Variants in DHODH observed in about 807,000 individuals in gnomAD.
DHODH encodes the protein dihydroorotate dehydrogenase (quinone), mitochondrial.
DHODH carries 30 observed loss-of-function variants against 39.7 expected under a neutral mutation model. That is an observed-to-expected ratio of 0.76 (90% CI 0.57 to 1.02). DHODH has a LOEUF of 1.02. Ranked by LOEUF, DHODH falls within the 50% of genes least tolerant of loss-of-function variation. The pLI is 0.00. For synonymous variants in DHODH, 222 were observed against 213.8 expected (o/e 1.04, Z -0.34); for missense variants, 531 against 520.8 (o/e 1.02, Z -0.19).
chr16:72,008,780 C>T lies in DHODH; in HGVS notation c.16C>T (p.Leu6=), dbSNP rs1411892430. 6.4e-7 allele frequency: 1 copy of T among 1,551,864 alleles called. No homozygotes were observed. Among genetic ancestry groups the T allele is most frequent in the Admixed American group, 2.0e-5 (1 of 51,004 alleles). Residue 6 remains leucine (L), a synonymous_variant, in exon 1 of 9, where the codon CTG becomes TTG. Coordinates refer to ENST00000219240, the MANE Select transcript of DHODH (RefSeq NM_001361.5). The part of the protein sequence containing the change: MAWRH[L]KKRAQDAVII... ...CGGAAGGAGCATGGCGTGGAGACAC[C>T]TGAAAGTGAGTCCCGCGAGTGAGCA...
rs887724124 is a variant in DHODH at position 72,014,417 on chromosome 16, T to C, written c.235-56T>C. The C allele has an allele frequency of 1.5e-5, 23 of 1,543,316 alleles. No individual in the cohort carries two copies. The African/African-American group carries it at 2.6e-4, about 17-fold the overall frequency. On this transcript the variant is annotated intron_variant, in intron 2 of 8. Transcript: ENST00000219240. The stretch of plus-strand genomic sequence containing the variant: ...ATGTAGCTGTGCCAGGAACCATGCT[T>C]TGAGAAATACCGGGATAGCCTTAGC...
intron 1 of DHODH, among the ~76,000 whole-genome samples, chr16:72,009,890 C>G (rs1354216610): frequency 6.6e-6 from 1 of 152,138 alleles, no homozygotes; most frequent in Non-Finnish European, 1.5e-5. Context: ...CGTGAGCCAC[C>G]GCGCTCGGCC....
intron 3 of DHODH, 104 bp from the exon 4 acceptor site, chr16:72,016,916 AACTG>A: frequency 2.0e-6 from 2 of 1,010,834 alleles, no homozygotes; most frequent in East Asian, 2.5e-5. Flanking sequence ...GAAGTGTAAG[AACTG>A]ACTGTGATTT....
chr16:72,023,239 T>G lies in DHODH; in HGVS notation c.894T>G (p.Ser298=). The change falls in exon 7 of 9, where the codon TCT becomes TCG. Residue 298 remains serine (S), a synonymous_variant. Coordinates refer to ENST00000219240, the MANE Select transcript of DHODH (RefSeq NM_001361.5). ...CGGGCCTCCAGGGTGCCCTGCGCTC[T>G]GAAACAGGAGGGCTGAGTGGGAAGC... is the stretch of plus-strand genomic sequence containing the variant. ...RPAGLQGALR[S]ETGGLSGKPL... 6.2e-7 allele frequency: 1 copy of G among 1,614,216 alleles called. No homozygotes were observed. The highest frequency in any genetic ancestry group is 1.1e-5 in the South Asian group (1 of 91,086).
chr16:72,019,094 T>C (rs1303805839), intron 4 of DHODH, among the ~76,000 whole-genome samples: 1 of 152,148 alleles, frequency 6.6e-6, no homozygotes, highest in Non-Finnish European at 1.5e-5. Flanking sequence ...TAGCTGAGAT[T>C]ATAGGCGCCC....
chr16:72,026,720 G>C lies in DHODH; in HGVS notation c.*2521G>C, dbSNP rs1198167528. 1 of 152,114 alleles carries C rather than the reference G, an allele frequency of 6.6e-6. No homozygotes were observed. The highest frequency in any genetic ancestry group is 2.1e-4 in the South Asian group (1 of 4,824). 9.4% of individuals were successfully genotyped at this position (152,114 alleles called of 1,614,324 possible). On this transcript the variant is annotated 3_prime_UTR_variant, in exon 9 of 9. Coordinates refer to ENST00000219240, the MANE Select transcript of DHODH (RefSeq NM_001361.5). ...TGTCTCAGCACAGCTGGAAGAGGCT[G>C]CTTGAGCACCAGGATAAGGAGTTGT...
At chr16:72,023,710 G>A in intron 8 of DHODH, 77 bp downstream of exon 8, 1 of 1,586,626 alleles carries the variant, frequency 6.3e-7, no homozygotes, top group Middle Eastern at 1.7e-4. Context: ...ACGAGATACT[G>A]TTGATCTGTT....
intron 2 of DHODH, among the ~76,000 whole-genome samples, chr16:72,013,402 G>A (rs956885810): frequency 4.6e-5 from 7 of 152,198 alleles, no homozygotes; most frequent in Admixed American, 2.6e-4. Flanking sequence ...AGCTGTGTCT[G>A]TATAAACACA....
intron 2 of DHODH, 147 bp downstream of exon 2, chr16:72,012,409 T>G (rs1187681611): frequency 7.0e-6 from 5 of 712,620 alleles, no homozygotes; most frequent in Admixed American, 2.3e-5. Context: ...TATTATTTTA[T>G]GTCATGTAAT....
At chr16:72,019,890 C>T (rs1027173565) in intron 4 of DHODH, among the ~76,000 whole-genome samples, 3 of 152,194 alleles carry the variant, frequency 2.0e-5, no homozygotes, top group African/African-American at 7.2e-5. Context: ...GCCTGTAATC[C>T]TAACACTCTG....
rs779000304 is a variant in DHODH, at chr16:72,017,042, C to T, written c.453C>T (p.His151=). The change falls in exon 4 of 9, where the codon CAC becomes CAT. Residue 151 remains histidine, a synonymous_variant. Transcript: ENST00000219240. ...TCTGCAGGTATGGATTTAACAGTCA[C>T]GGGCTTTCAGTGGTGGAACACAGGT... ...AVINRYGFNS[H]GLSVVEHRLR... 6.9e-5 allele frequency: 111 copies of T among 1,613,792 alleles called. No individual in the cohort carries two copies. Among genetic ancestry groups the T allele is most frequent in the Middle Eastern group, 3.3e-4 (2 of 6,084 alleles).
rs1438678012 is a variant in DHODH at position 72,025,379 on chromosome 16, A to G, written c.*1180A>G. On this transcript the variant is annotated 3_prime_UTR_variant, in exon 9 of 9. Coordinates refer to ENST00000219240, the MANE Select transcript of DHODH (RefSeq NM_001361.5). ...CTGTTTAGTTACTTTATGTTTTCAT[A>G]CAAATGACATCATCCCACAAATAGA... 1.3e-5 allele frequency: 2 copies of G among 152,228 alleles called. No individual in the cohort carries two copies. The highest frequency in any genetic ancestry group is 3.8e-4 in the East Asian group (2 of 5,200). The allele number at this position is 152,228 out of a possible 1,614,324, so 9.4% of individuals were successfully genotyped here. A position where few individuals can be genotyped will look rare whatever the true frequency, so the allele number is the denominator to read the frequency against.
At chr16:72,011,921 A>G in intron 1 of DHODH, 129 bp from the exon 2 acceptor site, 1 of 688,906 alleles carries the variant, frequency 1.5e-6, no homozygotes, top group South Asian at 1.7e-5. Context: ...GACCAGTGTC[A>G]GCGGAAGGCT....
At position 72,025,321 on chromosome 16, in the gene DHODH, A is replaced by T. The variant is rs924514734; in HGVS notation, c.*1122A>T. The stretch of plus-strand genomic sequence containing the variant: ...ACATACATGTGGCTGTATTTTTTGT[A>T]TACCGATTTCTGGATGGAATGCACA... On this transcript the variant is annotated 3_prime_UTR_variant, in exon 9 of 9. Coordinates refer to ENST00000219240, the MANE Select transcript of DHODH (RefSeq NM_001361.5). The T allele has an allele frequency of 9.2e-5, 14 of 152,310 alleles. No individual in the cohort carries two copies. The highest frequency in any genetic ancestry group is 3.4e-4 in the African/African-American group (14 of 41,578). The allele number at this position is 152,310 out of a possible 1,614,324, so 9.4% of individuals were successfully genotyped here.
Position 72,024,355 on chromosome 16 carries a change from C to T in DHODH, c.*156C>T. Reference sequence around the variant, plus strand: ...ACGCCAATCGGGGGGTCACCAGGATCAACCGCAGGCTTTCTTCAGTCCCTT... The same window carrying T: ...ACGCCAATCGGGGGGTCACCAGGATTAACCGCAGGCTTTCTTCAGTCCCTT... On this transcript the variant is annotated 3_prime_UTR_variant, in exon 9 of 9. Coordinates refer to ENST00000219240, the MANE Select transcript of DHODH (RefSeq NM_001361.5). The T allele has an allele frequency of 1.3e-6, 1 of 756,820 alleles. No homozygotes were observed. Among genetic ancestry groups the T allele is most frequent in the South Asian group, 1.5e-5 (1 of 67,882 alleles). The allele number at this position is 756,820 out of a possible 1,614,324, so 46.9% of individuals were successfully genotyped here. A position where few individuals can be genotyped will look rare whatever the true frequency, so the allele number is the denominator to read the frequency against.
At chr16:72,009,136 C>T in intron 1 of DHODH, 1 of 1,199,046 alleles carries the variant, frequency 8.3e-7, no homozygotes, top group Non-Finnish European at 1.0e-6. Flanking sequence ...GACATGCTCC[C>T]AACCCTTTTA....
intron 8 of DHODH, 39 bp from the exon 9 acceptor site, chr16:72,024,106 C>T (rs1010045237): frequency 6.2e-7 from 1 of 1,612,090 alleles, no homozygotes. Flanking sequence ...GCCTGTTCTC[C>T]ACTGTTTGCT....
intron 1 of DHODH, 200 bp downstream of exon 1, chr16:72,008,985 C>A: frequency 6.8e-7 from 1 of 1,473,584 alleles, no homozygotes; most frequent in Non-Finnish European, 9.0e-7. Context: ...CGTGTGCAGA[C>A]AGCGCCTGCA....
chr16:72,015,506 GA>G (rs1183309580), intron 3 of DHODH: 5 of 169,634 alleles, frequency 2.9e-5, no homozygotes, highest in African/African-American at 1.2e-4. Flanking sequence ...TTGGTAAGAG[GA>G]TTTTGAAGAG....
Sources: allele counts gnomAD v4.1 joint callset (sites outside exome capture counted in the v4.1 genomes callset), GRCh38; gene constraint gnomAD v4.1.1; transcripts MANE v1.5; gene names NCBI Gene and HGNC (gene_info 2026-07-23, HGNC 2026-07-21).